HS6ST2: variants seen among roughly 807,000 people sequenced by gnomAD.
HS6ST2 encodes heparan sulfate 6-O-sulfotransferase 2.
HS6ST2 carries 17 observed loss-of-function variants against 33.0 expected under a neutral mutation model. That is an observed-to-expected ratio of 0.52 (90% CI 0.35 to 0.77). The LOEUF (loss-of-function observed/expected upper bound fraction) is 0.77. HS6ST2 is among the 30% of genes least tolerant of loss of function. The pLI is 0.01. For synonymous variants in HS6ST2, 248 were observed against 237.1 expected (o/e 1.05, Z -0.42); for missense variants, 519 against 551.7 (o/e 0.94, Z 0.59).
intron 3 of HS6ST2, among the ~76,000 whole-genome samples, chrX:132,690,625 T>C (rs1024666374): frequency 1.8e-5 from 2 of 112,097 alleles, no homozygotes; most frequent in African/African-American, 6.5e-5. Flanking sequence ...TCAAGAGAAG[T>C]ATCTAGAAAT....
At chrX:132,818,595 A>G (rs2065419086) in intron 2 of HS6ST2, among the ~76,000 whole-genome samples, 1 of 112,009 alleles carries the variant, frequency 8.9e-6, no homozygotes, top group Non-Finnish European at 1.9e-5. Context: ...CTCACCTACA[A>G]CTAAAATCTG....
chrX:132,648,804 CA>C (rs1358706174), intron 4 of HS6ST2, among the ~76,000 whole-genome samples: 1 of 111,473 alleles, frequency 9.0e-6, no homozygotes, highest in African/African-American at 3.3e-5. Flanking sequence ...TTGGTTGGGT[CA>C]ATGGAGATAT....
At chrX:132,800,704 T>C (rs1030170538) in intron 2 of HS6ST2, among the ~76,000 whole-genome samples, 16 of 111,466 alleles carry the variant, frequency 1.4e-4, no homozygotes, top group African/African-American at 4.2e-4. Flanking sequence ...AGGGACTACA[T>C]GCTGACTGGC....
chrX:132,874,988 A>G (rs1206222022), intron 2 of HS6ST2, among the ~76,000 whole-genome samples: 1 of 111,841 alleles, frequency 8.9e-6, no homozygotes, highest in Non-Finnish European at 1.9e-5. Flanking sequence ...GAGACAGCCA[A>G]GAGTATGAAG....
At chrX:132,852,395 C>A (rs2065811631) in intron 2 of HS6ST2, among the ~76,000 whole-genome samples, 1 of 111,375 alleles carries the variant, frequency 9.0e-6, no homozygotes, top group Non-Finnish European at 1.9e-5. Flanking sequence ...CCTCATAAAC[C>A]TTATATGTCC....
At chrX:132,748,880 A>G (rs894714463) in intron 2 of HS6ST2, among the ~76,000 whole-genome samples, 1 of 111,797 alleles carries the variant, frequency 8.9e-6, no homozygotes, top group African/African-American at 3.3e-5. Flanking sequence ...TAACACAGGC[A>G]AGCCTCCCAA....
At chrX:132,883,397 T>C (rs1400088189) in intron 2 of HS6ST2, among the ~76,000 whole-genome samples, 1 of 111,525 alleles carries the variant, frequency 9.0e-6, no homozygotes, top group Non-Finnish European at 1.9e-5. Flanking sequence ...TTCTTCTAGA[T>C]TTTTGGTTTA....
chrX:132,657,857 C>A (rs1019335766), intron 4 of HS6ST2, among the ~76,000 whole-genome samples: 3 of 107,876 alleles, frequency 2.8e-5, no homozygotes, highest in Non-Finnish European at 5.8e-5. Flanking sequence ...ACAACATACC[C>A]TGGTGCCTAG....
intron 2 of HS6ST2, among the ~76,000 whole-genome samples, chrX:132,955,698 C>G (rs1387402875): frequency 8.9e-6 from 1 of 111,871 alleles, no homozygotes; most frequent in Non-Finnish European, 1.9e-5. Flanking sequence ...AGGAGACTTG[C>G]GAAACAGTAG....
intron 2 of HS6ST2, among the ~76,000 whole-genome samples, chrX:132,882,580 A>G (rs1389074131): frequency 9.4e-6 from 1 of 106,135 alleles, no homozygotes; most frequent in Non-Finnish European, 1.9e-5. Flanking sequence ...AACAGGGACA[A>G]TTTGACTTCC....
At chrX:132,710,335 C>T (rs1006043013) in intron 2 of HS6ST2, among the ~76,000 whole-genome samples, 1 of 112,168 alleles carries the variant, frequency 8.9e-6, no homozygotes, top group African/African-American at 3.2e-5. Flanking sequence ...CACACACACA[C>T]TCTCTTTGGG....
intron 2 of HS6ST2, among the ~76,000 whole-genome samples, chrX:132,810,589 C>T (rs1211330015): frequency 9.0e-6 from 1 of 111,149 alleles, no homozygotes; most frequent in Non-Finnish European, 1.9e-5. Flanking sequence ...TGCTATTGCC[C>T]TCTTTGTACA....
At chrX:132,698,149 A>G (rs2064116773) in intron 3 of HS6ST2, among the ~76,000 whole-genome samples, 1 of 111,459 alleles carries the variant, frequency 9.0e-6, no homozygotes, top group African/African-American at 3.3e-5. Flanking sequence ...CCTAGACTCA[A>G]ATTGATTGTA....
chrX:132,925,579 G>A (rs746051370), intron 2 of HS6ST2, among the ~76,000 whole-genome samples: 5 of 111,434 alleles, frequency 4.5e-5, no homozygotes, highest in Non-Finnish European at 7.5e-5. Context: ...GGTCTCTGTC[G>A]GAAAAATTCA....
intron 2 of HS6ST2, among the ~76,000 whole-genome samples, chrX:132,747,015 G>A (rs764035118): frequency 3.6e-5 from 4 of 112,326 alleles, no homozygotes; most frequent in African/African-American, 9.7e-5. Context: ...AACACTGATT[G>A]TCTACTTTGG....
chrX:132,725,188 A>C (rs891736034), intron 2 of HS6ST2, among the ~76,000 whole-genome samples: 2 of 111,196 alleles, frequency 1.8e-5, no homozygotes, highest in African/African-American at 6.5e-5. Context: ...AGAGCAAAGG[A>C]TATAATAAAT....
At chrX:132,681,927 TG>T (rs1158499963) in intron 3 of HS6ST2, among the ~76,000 whole-genome samples, 1 of 112,272 alleles carries the variant, frequency 8.9e-6, no homozygotes. Context: ...TTAGAGCAGA[TG>T]GAGGAGTGGA....
intron 4 of HS6ST2, among the ~76,000 whole-genome samples, chrX:132,638,712 C>T (rs1376281386): frequency 8.9e-6 from 1 of 111,995 alleles, no homozygotes; most frequent in Non-Finnish European, 1.9e-5. Context: ...TCTGGGCTAC[C>T]CACAGGAGGT....
chrX:132,669,219 A>G lies in HS6ST2; in HGVS notation c.981-20T>C, dbSNP rs943780733. On this transcript the variant is annotated intron_variant, in intron 3 of 4. Transcript: ENST00000370833. ...TCCTTACTATACCCACAGAAAGAAT[A>G]GAAAACATATACACAACAAGGACCA... 61 of 1,180,701 alleles carry G rather than the reference A, an allele frequency of 5.2e-5. No individual in the cohort carries two copies. The highest frequency in any genetic ancestry group is 6.6e-5 in the Non-Finnish European group (58 of 872,635).
Sources: allele counts gnomAD v4.1 joint callset (sites outside exome capture counted in the v4.1 genomes callset), GRCh38; gene constraint gnomAD v4.1.1; transcripts MANE v1.5; gene names NCBI Gene and HGNC (gene_info 2026-07-23, HGNC 2026-07-21).